The following SNX30 variants were observed in gnomAD, a reference collection of about 807,000 sequenced individuals.
SNX30 encodes sorting nexin family member 30.
A neutral mutation model predicts 46.4 loss-of-function variants in SNX30; 24 were observed. The ratio of observed to expected loss-of-function variants is 0.52; its 90% CI spans 0.37 to 0.73. SNX30 has a LOEUF of 0.73. Among genes scored for constraint, SNX30 ranks in the 30% least tolerant of loss-of-function variants. The pLI, the probability that SNX30 is intolerant of heterozygous loss-of-function variation, is 0.00. For missense variants in SNX30, 533 were observed against 555.7 expected (o/e 0.96, Z 0.41); for synonymous variants, 189 against 211.5 (o/e 0.89, Z 0.92).
chr9:112,858,972 C>T (rs1033472787), intron 7 of SNX30, among the ~76,000 whole-genome samples: 1 of 152,096 alleles, frequency 6.6e-6, no homozygotes, highest in Admixed American at 6.5e-5. Context: ...CCATCTTAAC[C>T]ATTTAAAAGT....
intron 1 of SNX30, among the ~76,000 whole-genome samples, chr9:112,796,213 T>C (rs1041667965): frequency 2.5e-4 from 38 of 152,200 alleles, no homozygotes; most frequent in African/African-American, 9.2e-4. Flanking sequence ...TTCTTTTTCT[T>C]TTGTGCAGTG....
chr9:112,769,911 C>G (rs1041124042), intron 1 of SNX30, among the ~76,000 whole-genome samples: 2 of 152,038 alleles, frequency 1.3e-5, no homozygotes, highest in African/African-American at 4.8e-5. Flanking sequence ...CGGCTCTTCC[C>G]TTTTTCATCC....
At chr9:112,883,499 A>T (rs1841607737), downstream of SNX30, among the ~76,000 whole-genome samples, 1 of 151,772 alleles carries the variant, frequency 6.6e-6, no homozygotes, top group Admixed American at 6.6e-5. Context: ...TAATTACCAT[A>T]AAGGATTGTT....
chr9:112,820,312 A>G (rs1316280014), intron 3 of SNX30, among the ~76,000 whole-genome samples: 2 of 152,150 alleles, frequency 1.3e-5, no homozygotes, highest in African/African-American at 4.8e-5. Context: ...TTAAGTATGA[A>G]AGTCAAACCA....
At position 112,864,293 on chromosome 9, in the gene SNX30, A is replaced by G. The variant is rs1588142925; in HGVS notation, c.1148A>G (p.Asn383Ser). Residue 383 changes from asparagine to serine, a missense_variant, in exon 8 of 9, where the codon AAT becomes AGT. Transcript: ENST00000374232. ...TGTCAGGATCGGATGGAGTGTTTCA[A>G]TGCTGACCTGAAAGCTGACATGGAG... ...EKCQDRMECF[N>S]ADLKADMERW... 5.0e-6 allele frequency: 8 copies of G among 1,614,074 alleles called. No homozygotes were observed. The East Asian group carries it at 6.7e-5, about 13-fold the overall frequency.
intron 2 of SNX30, among the ~76,000 whole-genome samples, chr9:112,815,666 T>C (rs1421410260): frequency 6.6e-6 from 1 of 152,204 alleles, no homozygotes; most frequent in Non-Finnish European, 1.5e-5. Flanking sequence ...CAGCCAATAA[T>C]CGTGTAACAT....
At chr9:112,829,213 A>C (rs1840624207) in intron 3 of SNX30, among the ~76,000 whole-genome samples, 1 of 152,076 alleles carries the variant, frequency 6.6e-6, no homozygotes, top group African/African-American at 2.4e-5. Flanking sequence ...TGTTATGACT[A>C]TTTGTGTACA....
At position 112,814,924 on chromosome 9, in the gene SNX30, A is replaced by G. The variant is rs538624751; in HGVS notation, c.349-2781A>G. 5.3e-5 allele frequency among the ~76,000 whole-genome samples: 8 copies of G among 152,354 alleles called. No individual in the cohort carries two copies. The Middle Eastern group carries it at 0.01, about 194-fold the overall frequency. On this transcript the variant is annotated intron_variant, in intron 2 of 8. Coordinates refer to ENST00000374232, the MANE Select transcript of SNX30 (RefSeq NM_001012994.2). ...GATTTGGTTTAATTATCGTGTAACC[A>G]TTCAGTGGAATACTATGTATGTGTT...
intron 1 of SNX30, among the ~76,000 whole-genome samples, chr9:112,791,340 A>G (rs559029140): frequency 1.7e-4 from 25 of 146,380 alleles, no homozygotes; most frequent in African/African-American, 5.5e-4. Flanking sequence ...ACTTAGAATA[A>G]TGTCTTCAAG....
chr9:112,830,641 G>T, intron 3 of SNX30, 84 bp from the exon 4 acceptor site: 2 of 1,260,084 alleles, frequency 1.6e-6, no homozygotes, highest in Non-Finnish European at 2.2e-6. Context: ...GGATAGAGGG[G>T]TAATAGAACT....
At position 112,751,656 on chromosome 9, in the gene SNX30, A is replaced by G. The variant is rs1309012870; in HGVS notation, c.156+499A>G. Among the ~76,000 whole-genome samples, 4 of 152,136 alleles carry G rather than the reference A, an allele frequency of 2.6e-5. No individual in the cohort carries two copies. In the East Asian group the frequency reaches 7.7e-4, roughly 29 times the overall value. On this transcript the variant is annotated intron_variant, in intron 1 of 8. Coordinates refer to ENST00000374232, the MANE Select transcript of SNX30 (RefSeq NM_001012994.2). ...GTCATGTGGGGAGTGATCTTTGTTTAGGTTTGCTGTTTGTCCTGAGGAGTC... is the reference window on the plus strand; with the variant it reads ...GTCATGTGGGGAGTGATCTTTGTTTGGGTTTGCTGTTTGTCCTGAGGAGTC...
intron 1 of SNX30, among the ~76,000 whole-genome samples, chr9:112,759,872 G>A (rs1351875181): frequency 6.6e-6 from 1 of 152,144 alleles, no homozygotes; most frequent in Non-Finnish European, 1.5e-5. Context: ...GATAACAGAT[G>A]TGCCCATGTC....
At chr9:112,832,391 C>T (rs562166817) in intron 4 of SNX30, among the ~76,000 whole-genome samples, 27 of 149,312 alleles carry the variant, frequency 1.8e-4, no homozygotes, top group Non-Finnish European at 2.5e-4. Context: ...AAAGCTTGGA[C>T]CCCTGGTTGT....
At chr9:112,767,383 T>TAA (rs1191215412) in intron 1 of SNX30, among the ~76,000 whole-genome samples, 1 of 152,186 alleles carries the variant, frequency 6.6e-6, no homozygotes, top group Non-Finnish European at 1.5e-5. Context: ...TCCCATTCTG[T>TAA]AAGTGCCTTT....
At chr9:112,816,747 A>C (rs988311016) in intron 2 of SNX30, among the ~76,000 whole-genome samples, 1 of 152,212 alleles carries the variant, frequency 6.6e-6, no homozygotes, top group Admixed American at 6.5e-5. Context: ...TTGAAAGAGT[A>C]AATTTATGAG....
At chr9:112,816,042 G>A (rs750221427) in intron 2 of SNX30, among the ~76,000 whole-genome samples, 5 of 151,996 alleles carry the variant, frequency 3.3e-5, no homozygotes, top group Non-Finnish European at 5.9e-5. Context: ...ATGGGGTCTC[G>A]CTATGTTGCC....
chr9:112,851,526 G>A (rs1029623159), intron 7 of SNX30, among the ~76,000 whole-genome samples: 4 of 152,202 alleles, frequency 2.6e-5, no homozygotes, highest in South Asian at 2.1e-4. Context: ...CACAGAGTTC[G>A]AGCAGCACTA....
chr9:112,872,692 AGGGCTGG>A lies in SNX30; in HGVS notation c.*3852_*3858del. 1 of 152,334 alleles carries A rather than the reference AGGGCTGG, an allele frequency of 6.6e-6. No homozygotes were observed. Among genetic ancestry groups the A allele is most frequent in the Non-Finnish European group, 1.5e-5 (1 of 68,076 alleles). 9.4% of individuals were successfully genotyped at this position (152,334 alleles called of 1,614,324 possible). Reference sequence around the variant, plus strand: ...TGTGGAAACTGGGTGATCCAATTATAGGGCTGGGGCAACCCTGCTTTGGCCACCCTCA... The same window carrying A: ...TGTGGAAACTGGGTGATCCAATTATAGGCAACCCTGCTTTGGCCACCCTCA... On this transcript the variant is annotated 3_prime_UTR_variant, in exon 9 of 9. Coordinates refer to ENST00000374232, the MANE Select transcript of SNX30 (RefSeq NM_001012994.2).
At chr9:112,877,122 A>ATGC (rs959830763), downstream of SNX30, 1 of 134,634 alleles carries the variant, frequency 7.4e-6, no homozygotes, top group African/African-American at 2.8e-5. Context: ...TTCCCAGGTG[A>ATGC]TGCTGCTGCT....
Sources: gnomAD v4.1 joint callset for allele counts (sites outside exome capture counted in the v4.1 genomes callset) on GRCh38, gnomAD v4.1.1 for gene constraint, MANE v1.5 for transcripts, NCBI Gene and HGNC (gene_info 2026-07-23, HGNC 2026-07-21) for gene names.